VPS28: variants seen among roughly 807,000 people sequenced by gnomAD.
VPS28 encodes VPS28 subunit of ESCRT-I.
In VPS28, 29 loss-of-function variants were observed where a neutral mutation model predicts 33.7. The observed-to-expected ratio is 0.86, with a 90% CI of 0.64 to 1.17. The LOEUF is 1.17. Ranked by LOEUF, VPS28 falls within the 50% of genes most tolerant of loss-of-function variation. The pLI, the probability that VPS28 is intolerant of heterozygous loss-of-function variation, is 0.00. For missense variants in VPS28, 247 were observed against 312.2 expected, an observed-to-expected ratio of 0.79 and a Z score of 1.57; for synonymous variants, 164 against 116.7, an observed-to-expected ratio of 1.40 and a Z score of -2.61.
chr8:144,423,768 G>C lies in VPS28; in HGVS notation c.*37C>G. On this transcript the variant is annotated 3_prime_UTR_variant, in exon 10 of 10. Coordinates refer to ENST00000292510, the MANE Select transcript of VPS28 (RefSeq NM_016208.4). The stretch of plus-strand genomic sequence containing the variant: ...CAGGGGACCAGGAGCCATCGCCTCA[G>C]ACTCTGCCCTTCTGTGCAAGGGCTA... 1 of 1,612,520 alleles carries C rather than the reference G, an allele frequency of 6.2e-7. No individual in the cohort carries two copies. Among genetic ancestry groups the C allele is most frequent in the South Asian group, 1.1e-5 (1 of 91,002 alleles).
chr8:144,428,169 G>C (rs1380982450), intron 1 of VPS28, among the ~76,000 whole-genome samples: 1 of 152,344 alleles, frequency 6.6e-6, no homozygotes, highest in South Asian at 2.1e-4. Flanking sequence ...CGAGCCGCGG[G>C]GTGGGGACCG....
chr8:144,425,860 G>C, intron 4 of VPS28, 88 bp from the exon 5 acceptor site: 20 of 1,585,438 alleles, frequency 1.3e-5, no homozygotes, highest in Non-Finnish European at 1.7e-5. Context: ...GTGCCACTGC[G>C]GGCGCTCTGC....
intron 7 of VPS28, 110 bp downstream of exon 7, chr8:144,424,608 G>A (rs1564717834): frequency 4.0e-6 from 5 of 1,243,248 alleles, no homozygotes; most frequent in Admixed American, 1.9e-5. Context: ...CTTCTGCCCA[G>A]CAAGTCAGAG....
intron 2 of VPS28, 25 bp from the exon 3 acceptor site, chr8:144,426,233 C>A: frequency 1.9e-6 from 3 of 1,584,964 alleles, no homozygotes; most frequent in Non-Finnish European, 2.6e-6. Flanking sequence ...AGAGAGCTGG[C>A]AGGCTGGCCC....
chr8:144,428,196 G>A (rs894637496), intron 1 of VPS28, among the ~76,000 whole-genome samples: 1 of 152,242 alleles, frequency 6.6e-6, no homozygotes, highest in Non-Finnish European at 1.5e-5. Flanking sequence ...CTCGGCAGCC[G>A]TCACGGAGCC....
chr8:144,425,098 A>G, intron 5 of VPS28, 47 bp from the exon 6 acceptor site: 2 of 1,505,954 alleles, frequency 1.3e-6, no homozygotes, highest in Non-Finnish European at 1.8e-6. Flanking sequence ...AGCCCCACCC[A>G]GCTCATCCTA....
intron 2 of VPS28, 134 bp downstream of exon 2, chr8:144,426,775 T>C (rs1822781618): frequency 2.1e-6 from 2 of 944,988 alleles, no homozygotes; most frequent in Non-Finnish European, 3.2e-6. Context: ...ATGAACTATT[T>C]AGCCCCTGGC....
intron 2 of VPS28, 189 bp downstream of exon 2, chr8:144,426,720 A>G: frequency 3.2e-6 from 2 of 625,310 alleles, no homozygotes; most frequent in Non-Finnish European, 2.7e-6. Flanking sequence ...CAGCAGGACC[A>G]AGCCAGTTCT....
At position 144,424,206 on chromosome 8, in the gene VPS28, T is replaced by C; in HGVS notation, c.456+9A>G. On this transcript the variant is annotated intron_variant, in intron 8 of 9. Transcript: ENST00000292510. ...CTGCCTAGGCCCCCTGCCAGCCCAA[T>C]ACCCGCACCTCATCCATGGCGCGGA... The C allele has an allele frequency of 6.3e-7, 1 of 1,593,256 alleles. No individual in the cohort carries two copies. The highest frequency in any genetic ancestry group is 1.3e-5 in the African/African-American group (1 of 74,376).
rs185214209 is a variant in VPS28 at position 144,424,650 on chromosome 8, C to T, written c.402+68G>A. ...TCAGCTCTGGAGGCCCAGGACCCTACGCTCGTGCCCAGCTGCAGCAGGCAG... is the reference window on the plus strand; with the variant it reads ...TCAGCTCTGGAGGCCCAGGACCCTATGCTCGTGCCCAGCTGCAGCAGGCAG... On this transcript the variant is annotated intron_variant, in intron 7 of 9. Transcript: ENST00000292510. The T allele has an allele frequency of 3.5e-4, 532 of 1,537,510 alleles. 1 individual carries two copies. Among genetic ancestry groups the T allele is most frequent in the Middle Eastern group, 2.2e-3 (11 of 5,092 alleles).
chr8:144,424,349 A>G lies in VPS28; in HGVS notation c.403-81T>C, dbSNP rs1822573568. The G allele has an allele frequency of 7.3e-6, 11 of 1,503,220 alleles. No homozygotes were observed. The East Asian group carries it at 2.3e-4, about 31-fold the overall frequency. The allele number at this position is 1,503,220 out of a possible 1,614,324, so 93.1% of individuals were successfully genotyped here. On this transcript the variant is annotated intron_variant, in intron 7 of 9. Coordinates refer to ENST00000292510, the MANE Select transcript of VPS28 (RefSeq NM_016208.4). Reference sequence around the variant, plus strand: ...GGCTCACGGGCCCCAACCCCTCCTCAGCCACAGCTGTCACTTGGGCCTCCT... The same window carrying G: ...GGCTCACGGGCCCCAACCCCTCCTCGGCCACAGCTGTCACTTGGGCCTCCT...
At chr8:144,424,300 G>A (rs1554876099) in intron 7 of VPS28, 32 bp from the exon 8 acceptor site, 3 of 1,559,674 alleles carry the variant, frequency 1.9e-6, no homozygotes, top group South Asian at 1.2e-5. Flanking sequence ...AGGCTCGCGT[G>A]TCCACGGGTG....
intron 1 of VPS28, among the ~76,000 whole-genome samples, chr8:144,427,889 G>C (rs577999875): frequency 1.8e-4 from 28 of 152,320 alleles, no homozygotes; most frequent in Admixed American, 3.3e-4. Flanking sequence ...GGGCCGGGCA[G>C]TAAGATAAAC....
intron 1 of VPS28, among the ~76,000 whole-genome samples, chr8:144,427,612 A>G (rs745986391): frequency 7.9e-5 from 12 of 152,186 alleles, no homozygotes; most frequent in Non-Finnish European, 1.6e-4. Context: ...TTAAGTAGGC[A>G]TGAACTTGGA....
chr8:144,427,820 G>T (rs1052068134), intron 1 of VPS28, among the ~76,000 whole-genome samples: 6 of 152,234 alleles, frequency 3.9e-5, no homozygotes, highest in Admixed American at 6.5e-5. Context: ...TCCGCCGAGG[G>T]ATTTGAGATA....
chr8:144,426,870 G>A (rs781936915), intron 2 of VPS28, 39 bp downstream of exon 2: 42 of 1,610,802 alleles, frequency 2.6e-5, no homozygotes, highest in Non-Finnish European at 3.6e-5. Flanking sequence ...AGCCCCTGCA[G>A]AAGCGGCTGA....
rs1173668862 is a variant in VPS28, at chr8:144,425,024, C to A, written c.222G>T (p.Leu74=). The A allele has an allele frequency of 2.6e-6, 4 of 1,552,876 alleles. No individual in the cohort carries two copies. The East Asian group carries it at 9.7e-5, about 38-fold the overall frequency. The change falls in exon 6 of 10, where the codon CTG becomes CTT. Residue 74 remains leucine (L), a synonymous_variant. Transcript: ENST00000292510. ...SEYTAACSRL[L]VQYKAAFRQV... is the part of the protein sequence containing the mutation. Reference sequence around the variant, plus strand: ...GCCTGAAGGCAGCTTTGTATTGGACCAGGAGCCGGGAGCAGGCTGCAGTGT... The same window carrying A: ...GCCTGAAGGCAGCTTTGTATTGGACAAGGAGCCGGGAGCAGGCTGCAGTGT...
At position 144,424,207 on chromosome 8, in the gene VPS28, A is replaced by G. The variant is rs2130814660; in HGVS notation, c.456+8T>C. Reference sequence around the variant, plus strand: ...TGCCTAGGCCCCCTGCCAGCCCAATACCCGCACCTCATCCATGGCGCGGAT... The same window carrying G: ...TGCCTAGGCCCCCTGCCAGCCCAATGCCCGCACCTCATCCATGGCGCGGAT... On this transcript the variant is annotated splice_region_variant and intron_variant, in intron 8 of 9. Coordinates refer to ENST00000292510, the MANE Select transcript of VPS28 (RefSeq NM_016208.4). 6.3e-7 allele frequency: 1 copy of G among 1,594,958 alleles called. No individual in the cohort carries two copies. Among genetic ancestry groups the G allele is most frequent in the Non-Finnish European group, 8.6e-7 (1 of 1,169,482 alleles).
At chr8:144,424,908 A>C (rs1822621493) in intron 6 of VPS28, 38 bp downstream of exon 6, 4 of 1,607,934 alleles carry the variant, frequency 2.5e-6, no homozygotes, top group South Asian at 1.1e-5. Flanking sequence ...CATGCCCGAC[A>C]GTCTCGCCCC....
Sources: allele counts gnomAD v4.1 joint callset (sites outside exome capture counted in the v4.1 genomes callset), GRCh38; gene constraint gnomAD v4.1.1; transcripts MANE v1.5; gene names NCBI Gene and HGNC (gene_info 2026-07-23, HGNC 2026-07-21).